OPRD1: variants seen among roughly 807,000 people sequenced by gnomAD.
The protein encoded by OPRD1 is delta-type opioid receptor.
A neutral mutation model predicts 17.5 loss-of-function variants in OPRD1; 19 were observed. The ratio of observed to expected loss-of-function variants is 1.09; its 90% CI spans 0.76 to 1.60. The LOEUF (loss-of-function observed/expected upper bound fraction) is 1.60. OPRD1 is among the 40% of genes most tolerant of loss of function. The pLI, the probability that OPRD1 is intolerant of heterozygous loss-of-function variation, is 0.00. For missense variants in OPRD1, 483 were observed against 547.2 expected, an observed-to-expected ratio of 0.88 and a Z score of 1.17; for synonymous variants, 256 against 240.9, an observed-to-expected ratio of 1.06 and a Z score of -0.58.
At chr1:28,858,248 G>A (rs1159405192) in intron 1 of OPRD1, among the ~76,000 whole-genome samples, 1 of 150,790 alleles carries the variant, frequency 6.6e-6, no homozygotes, top group African/African-American at 2.4e-5. Flanking sequence ...CGAGTAGCTG[G>A]GACTACAGGC....
chr1:28,824,904 T>G (rs1437660194), intron 1 of OPRD1, among the ~76,000 whole-genome samples: 1 of 150,974 alleles, frequency 6.6e-6, no homozygotes, highest in African/African-American at 2.4e-5. Flanking sequence ...CGATCTCGGC[T>G]CACTGCAAGC....
intron 1 of OPRD1, among the ~76,000 whole-genome samples, chr1:28,822,663 T>G (rs1424885669): frequency 6.8e-6 from 1 of 147,416 alleles, no homozygotes; most frequent in Non-Finnish European, 1.5e-5. Context: ...TTTTTTTTTG[T>G]ATTTTTAATA....
chr1:28,815,677 G>A (rs1282389261), intron 1 of OPRD1, among the ~76,000 whole-genome samples: 1 of 152,214 alleles, frequency 6.6e-6, no homozygotes, highest in Non-Finnish European at 1.5e-5. Context: ...AGGGCTCCTC[G>A]AGCTGCGCTC....
chr1:28,854,525 C>G (rs751537487), intron 1 of OPRD1, among the ~76,000 whole-genome samples: 1 of 151,996 alleles, frequency 6.6e-6, no homozygotes, highest in Non-Finnish European at 1.5e-5. Flanking sequence ...CTGGCCAAAT[C>G]TGCCTTTTAG....
At chr1:28,814,430 T>G (rs1037006107) in intron 1 of OPRD1, among the ~76,000 whole-genome samples, 6 of 152,208 alleles carry the variant, frequency 3.9e-5, no homozygotes, top group African/African-American at 1.4e-4. Context: ...CTAGATCCTG[T>G]AGAATCTGAC....
At chr1:28,813,355 C>T (rs1043983884) in intron 1 of OPRD1, among the ~76,000 whole-genome samples, 1 of 152,226 alleles carries the variant, frequency 6.6e-6, no homozygotes, top group Non-Finnish European at 1.5e-5. Flanking sequence ...CAGTGCCCAT[C>T]TGGTCAGGAA....
intron 1 of OPRD1, among the ~76,000 whole-genome samples, chr1:28,852,146 G>A (rs776728172): frequency 1.5e-5 from 2 of 135,336 alleles, no homozygotes; most frequent in Admixed American, 8.2e-5. Context: ...CAGCCTGGGC[G>A]ACAGAGCAAA....
rs190409746 is a variant in OPRD1, at chr1:28,869,940, G to A, written c.*6657G>A. 9.8e-5 allele frequency: 15 copies of A among 152,298 alleles called. No homozygotes were observed. Among genetic ancestry groups the A allele is most frequent in the Admixed American group, 9.8e-4 (15 of 15,290 alleles). 9.4% of individuals were successfully genotyped at this position (152,298 alleles called of 1,614,324 possible). On this transcript the variant is annotated 3_prime_UTR_variant, in exon 3 of 3. Coordinates refer to ENST00000234961, the MANE Select transcript of OPRD1 (RefSeq NM_000911.4). ...TTGTTTGATAATTTTCTGACTGACT[G>A]CCATGTTGTTGCCTTGTGACCTTGG...
intron 1 of OPRD1, among the ~76,000 whole-genome samples, chr1:28,846,422 A>G (rs1295198125): frequency 7.6e-6 from 1 of 130,866 alleles, no homozygotes; most frequent in Non-Finnish European, 1.7e-5. Flanking sequence ...CTGCCCTCAC[A>G]TGGCAGAGAG....
Position 28,815,238 on chromosome 1 carries a change from T to C in OPRD1, c.227+2628T>C, listed in dbSNP as rs1349213765. Among the ~76,000 whole-genome samples, 6 of 152,312 alleles carry C rather than the reference T, an allele frequency of 3.9e-5. 1 individual carries two copies. The South Asian group carries it at 6.2e-4, about 16-fold the overall frequency. ...ATGCGATCCTCCCACCTCAGGCTCC[T>C]GGGTAGCTGGGACTACAGGCACACG... On this transcript the variant is annotated intron_variant, in intron 1 of 2. Transcript: ENST00000234961.
chr1:28,837,182 T>C (rs977401782), intron 1 of OPRD1, among the ~76,000 whole-genome samples: 3 of 152,148 alleles, frequency 2.0e-5, no homozygotes, highest in African/African-American at 7.2e-5. Flanking sequence ...CTTGCATATG[T>C]AGTTCACAGT....
chr1:28,813,656 A>G (rs973811797), intron 1 of OPRD1, among the ~76,000 whole-genome samples: 6 of 152,198 alleles, frequency 3.9e-5, no homozygotes, highest in South Asian at 4.1e-4. Flanking sequence ...GAAAATTTCC[A>G]TCTTTAAAAC....
chr1:28,852,958 G>T (rs934606065), intron 1 of OPRD1, among the ~76,000 whole-genome samples: 3 of 152,076 alleles, frequency 2.0e-5, no homozygotes, highest in Non-Finnish European at 2.9e-5. Flanking sequence ...GGCCTCAGGT[G>T]ATCTACCCAC....
intron 1 of OPRD1, among the ~76,000 whole-genome samples, chr1:28,825,783 C>T (rs1557570148): frequency 6.6e-6 from 1 of 152,250 alleles, no homozygotes. Flanking sequence ...AGGCCAACAG[C>T]AGGGAGGCAG....
At chr1:28,858,163 G>T (rs1222207251) in intron 1 of OPRD1, among the ~76,000 whole-genome samples, 1 of 147,882 alleles carries the variant, frequency 6.8e-6, no homozygotes, top group Non-Finnish European at 1.5e-5. Flanking sequence ...GCCCAGGCGG[G>T]AGTGCAGTGG....
At chr1:28,828,712 A>G (rs1300861968) in intron 1 of OPRD1, among the ~76,000 whole-genome samples, 1 of 140,816 alleles carries the variant, frequency 7.1e-6, no homozygotes, top group Non-Finnish European at 1.6e-5. Flanking sequence ...AAAAAAAGCC[A>G]GGCGCAGTGG....
At chr1:28,846,862 C>CTT (rs775472408) in intron 1 of OPRD1, among the ~76,000 whole-genome samples, 2 of 59,448 alleles carry the variant, frequency 3.4e-5, no homozygotes, top group Non-Finnish European at 8.2e-5. Context: ...TTCTTTCTTT[C>CTT]TTTCTTTCTT....
intron 1 of OPRD1, among the ~76,000 whole-genome samples, chr1:28,837,771 A>G (rs1043249974): frequency 2.7e-5 from 4 of 150,338 alleles, no homozygotes; most frequent in African/African-American, 7.4e-5. Context: ...TGATCCTCCT[A>G]CCTCAGCCTT....
chr1:28,828,939 G>A (rs1172892717), intron 1 of OPRD1, among the ~76,000 whole-genome samples: 22 of 150,808 alleles, frequency 1.5e-4, no homozygotes, highest in Admixed American at 9.9e-4. Context: ...GCAGTGAGCC[G>A]AGATTGCGCC....
Sources: allele counts gnomAD v4.1 joint callset (sites outside exome capture counted in the v4.1 genomes callset), GRCh38; gene constraint gnomAD v4.1.1; transcripts MANE v1.5; gene names NCBI Gene and HGNC (gene_info 2026-07-23, HGNC 2026-07-21).